The following ATL1 variants were observed in gnomAD, a reference collection of about 807,000 sequenced individuals.
The protein encoded by ATL1 is atlastin GTPase 1.
A neutral mutation model predicts 75.5 loss-of-function variants in ATL1; 31 were observed. The observed-to-expected ratio is 0.41, with a 90% CI of 0.31 to 0.55. ATL1 has a LOEUF of 0.55. Among genes scored for constraint, ATL1 ranks in the 20% least tolerant of loss-of-function variants. The probability of loss-of-function intolerance (pLI) is 0.27; values close to 1 mark genes in which losing one functional copy is unlikely to be tolerated. For synonymous variants in ATL1, 226 were observed against 233.3 expected (o/e 0.97, Z 0.28); for missense variants, 405 against 662.6 (o/e 0.61, Z 4.27).
intron 1 of ATL1, among the ~76,000 whole-genome samples, chr14:50,573,896 T>G (rs1875672669): frequency 6.6e-6 from 1 of 152,228 alleles, no homozygotes; most frequent in Non-Finnish European, 1.5e-5. Flanking sequence ...GCCACAAACC[T>G]CTTTATCTCT....
At chr14:50,628,929 G>T (rs1364897667) in intron 12 of ATL1, among the ~76,000 whole-genome samples, 1 of 152,114 alleles carries the variant, frequency 6.6e-6, no homozygotes, top group Non-Finnish European at 1.5e-5. Context: ...TGTTGGCCAG[G>T]CTGGTCTCAA....
At chr14:50,621,751 T>G (rs1289610100) in intron 9 of ATL1, 92 bp from the exon 10 acceptor site, 1 of 792,070 alleles carries the variant, frequency 1.3e-6, no homozygotes, top group Non-Finnish European at 2.1e-6. Flanking sequence ...AAATATTTTT[T>G]GAAATGTCAA....
chr14:50,617,670 T>A (rs1394931997), intron 8 of ATL1, among the ~76,000 whole-genome samples: 6 of 152,198 alleles, frequency 3.9e-5, no homozygotes, highest in African/African-American at 1.4e-4. Context: ...GCCCCTAAAG[T>A]CCTTGGAAGA....
At chr14:50,582,557 G>A (rs2039066190) in intron 1 of ATL1, among the ~76,000 whole-genome samples, 1 of 147,880 alleles carries the variant, frequency 6.8e-6, no homozygotes, top group African/African-American at 2.5e-5. Context: ...CTACAGGCAC[G>A]CACCACCATG....
chr14:50,583,102 G>A (rs1458851327), intron 1 of ATL1, among the ~76,000 whole-genome samples: 1 of 152,056 alleles, frequency 6.6e-6, no homozygotes, highest in Non-Finnish European at 1.5e-5. Flanking sequence ...CAACAAAACT[G>A]TAACAAAAGT....
In ATL1 at chr14:50,588,045, G is replaced by A; in HGVS notation, c.249G>A (p.Leu83=). The change falls in exon 2 of 14, where the codon CTG becomes CTA. Residue 83 remains leucine (L), a synonymous_variant. Transcript: ENST00000358385. ...AGAFRKGKSF[L]MDFMLRYMYN... is the part of the protein sequence containing the mutation. ...CATTTAGAAAAGGAAAATCATTCCT[G>A]ATGGACTTCATGTTGAGATACATGT... 6.2e-7 allele frequency: 1 copy of A among 1,614,200 alleles called. No individual in the cohort carries two copies. Among genetic ancestry groups the A allele is most frequent in the Non-Finnish European group, 8.5e-7 (1 of 1,180,030 alleles).
At chr14:50,561,351 G>C (rs537961246) in intron 1 of ATL1, among the ~76,000 whole-genome samples, 1 of 152,344 alleles carries the variant, frequency 6.6e-6, no homozygotes, top group East Asian at 1.9e-4. Flanking sequence ...ATCTGAACCA[G>C]AGAATGTCTC....
At chr14:50,541,758 C>T (rs1396363439) in intron 1 of ATL1, among the ~76,000 whole-genome samples, 5 of 151,934 alleles carry the variant, frequency 3.3e-5, no homozygotes, top group Non-Finnish European at 5.9e-5. Flanking sequence ...CGGTGGCTCA[C>T]GCCTGTAATC....
At chr14:50,605,503 T>G (rs2039309075) in intron 6 of ATL1, among the ~76,000 whole-genome samples, 2 of 151,960 alleles carry the variant, frequency 1.3e-5, no homozygotes, top group African/African-American at 4.8e-5. Context: ...ATATTCATAT[T>G]TTATGTCTGA....
At chr14:50,627,992 T>C (rs769330458) in intron 11 of ATL1, 39 bp from the exon 12 acceptor site, 7 of 1,608,998 alleles carry the variant, frequency 4.4e-6, no homozygotes, top group East Asian at 2.2e-5. Flanking sequence ...CCAATTTTAC[T>C]CTGCATTGCA....
At chr14:50,630,045 G>A (rs749175777) in intron 13 of ATL1, 36 bp downstream of exon 13, 2 of 1,489,224 alleles carry the variant, frequency 1.3e-6, no homozygotes, top group South Asian at 1.2e-5. Flanking sequence ...AGCTATGTAT[G>A]TGTAAACATT....
At chr14:50,570,816 G>A (rs1230595754) in intron 1 of ATL1, among the ~76,000 whole-genome samples, 2 of 152,116 alleles carry the variant, frequency 1.3e-5, no homozygotes, top group Non-Finnish European at 2.9e-5. Flanking sequence ...AACTAATAAT[G>A]TGGTAACTCT....
At chr14:50,610,604 C>A (rs1232321002) in intron 6 of ATL1, among the ~76,000 whole-genome samples, 1 of 151,960 alleles carries the variant, frequency 6.6e-6, no homozygotes, top group African/African-American at 2.4e-5. Flanking sequence ...AACACTAAAG[C>A]CAAACAACTT....
At chr14:50,540,334 G>C (rs2038545700) in intron 1 of ATL1, among the ~76,000 whole-genome samples, 1 of 152,132 alleles carries the variant, frequency 6.6e-6, no homozygotes, top group African/African-American at 2.4e-5. Context: ...GGGACTGATT[G>C]GTAGAAACCT....
chr14:50,591,251 G>A (rs779953527), intron 3 of ATL1, among the ~76,000 whole-genome samples, 176 bp downstream of exon 3: 1 of 152,130 alleles, frequency 6.6e-6, no homozygotes, highest in Non-Finnish European at 1.5e-5. Context: ...CAGAGTAGGC[G>A]AAATTATAAC....
intron 8 of ATL1, among the ~76,000 whole-genome samples, chr14:50,618,011 GTTACT>G (rs376903666): frequency 2.6e-5 from 4 of 152,166 alleles, no homozygotes; most frequent in African/African-American, 9.7e-5. Flanking sequence ...TTAGATGCTG[GTTACT>G]TTAATGATAA....
rs2039592953 is a variant in ATL1, at chr14:50,632,528, C to A, written c.*189C>A. Reference sequence around the variant, plus strand: ...GCAGATGTATGTATGCATGGTTATACTATTTTGTTAACATGTACAATTTCC... The same window carrying A: ...GCAGATGTATGTATGCATGGTTATAATATTTTGTTAACATGTACAATTTCC... On this transcript the variant is annotated 3_prime_UTR_variant, in exon 14 of 14. Transcript: ENST00000358385. 3 of 481,444 alleles carry A rather than the reference C, an allele frequency of 6.2e-6. No homozygotes were observed. In the Admixed American group the frequency reaches 9.8e-5, roughly 16 times the overall value. The allele number at this position is 481,444 out of a possible 1,614,324, so 29.8% of individuals were successfully genotyped here.
intron 1 of ATL1, among the ~76,000 whole-genome samples, chr14:50,571,095 C>A (rs2038951455): frequency 6.6e-6 from 1 of 152,100 alleles, no homozygotes; most frequent in African/African-American, 2.4e-5. Context: ...CCTTTAAGTA[C>A]CCTGGAAGTC....
Position 50,628,051 on chromosome 14 carries a change from A to G in ATL1, c.1140A>G (p.Pro380=). The part of the protein sequence containing the change: ...KMEEICGGDK[P]FLAPNDLQTK... ...TACAGATTTGTGGTGGTGACAAACC[A>G]TTTCTGGCCCCAAATGACTTGCAGA... Residue 380 remains proline, a synonymous_variant, in exon 12 of 14, where the codon CCA becomes CCG. Transcript: ENST00000358385. 2.5e-6 allele frequency: 4 copies of G among 1,614,214 alleles called. No individual in the cohort carries two copies. Among genetic ancestry groups the G allele is most frequent in the Non-Finnish European group, 3.4e-6 (4 of 1,180,024 alleles).
Sources: gnomAD v4.1 joint callset for allele counts (sites outside exome capture counted in the v4.1 genomes callset) on GRCh38, gnomAD v4.1.1 for gene constraint, MANE v1.5 for transcripts, NCBI Gene and HGNC (gene_info 2026-07-23, HGNC 2026-07-21) for gene names.